Variants in TTC6 observed in about 807,000 individuals in gnomAD.
The protein encoded by TTC6 is tetratricopeptide repeat protein 6.
A neutral mutation model predicts 210.4 loss-of-function variants in TTC6; 172 were observed. That is an observed-to-expected ratio of 0.82 (90% CI 0.72 to 0.93). The LOEUF (loss-of-function observed/expected upper bound fraction) is 0.93, where lower values mean the gene tolerates loss of function less well. TTC6 is among the 40% of genes least tolerant of loss of function. The pLI is 0.00. For missense variants in TTC6, 2,414 were observed against 2,318.1 expected (o/e 1.04, Z -0.85); for synonymous variants, 804 against 819.6 (o/e 0.98, Z 0.32).
rs1566977609 is a variant in TTC6, at chr14:37,827,182, ATAT to A, written c.5128-10_5128-8del. ...TATTCCCCAATGTTAAATAATCATA[ATAT>A]TATACTGCAGATCAGTACTACAGCA... On this transcript the variant is annotated splice_polypyrimidine_tract_variant and intron_variant, in intron 28 of 30. Transcript: ENST00000553443. 1 of 1,600,928 alleles carries A rather than the reference ATAT, an allele frequency of 6.2e-7. No homozygotes were observed.
At chr14:37,624,126 G>T (rs2095656157) in intron 1 of TTC6, among the ~76,000 whole-genome samples, 2 of 152,132 alleles carry the variant, frequency 1.3e-5, no homozygotes, top group Non-Finnish European at 2.9e-5. Context: ...GACCATAAAG[G>T]GAAGCAAAAA....
chr14:37,684,615 T>G (rs2095790426), intron 3 of TTC6, among the ~76,000 whole-genome samples: 1 of 152,206 alleles, frequency 6.6e-6, no homozygotes, highest in Non-Finnish European at 1.5e-5. Context: ...TGTGGGATAT[T>G]GTGGGACCCT....
chr14:37,749,412 T>A lies in TTC6; in HGVS notation c.2826+11T>A. Reference sequence around the variant, plus strand: ...AATGATCTGCAGAGAGTAAGTTTTCTTTAACCAAAATAGTAATATTCACCA... The same window carrying A: ...AATGATCTGCAGAGAGTAAGTTTTCATTAACCAAAATAGTAATATTCACCA... On this transcript the variant is annotated intron_variant, in intron 11 of 30. Coordinates refer to ENST00000553443, the Ensembl canonical transcript of TTC6. 7.1e-7 allele frequency: 1 copy of A among 1,400,636 alleles called. No individual in the cohort carries two copies. Among genetic ancestry groups the A allele is most frequent in the South Asian group, 1.8e-5 (1 of 56,782 alleles). The allele number at this position is 1,400,636 out of a possible 1,614,324, so 86.8% of individuals were successfully genotyped here. A position where few individuals can be genotyped will look rare whatever the true frequency, so the allele number is the denominator to read the frequency against.
intron 1 of TTC6, among the ~76,000 whole-genome samples, chr14:37,679,416 G>A (rs1407290019): frequency 6.6e-6 from 1 of 152,124 alleles, no homozygotes; most frequent in East Asian, 1.9e-4. Flanking sequence ...ACTGAGTAGA[G>A]AGTATATCAT....
chr14:37,656,079 TG>T (rs2095722286), intron 1 of TTC6, among the ~76,000 whole-genome samples: 5 of 152,180 alleles, frequency 3.3e-5, no homozygotes, highest in Admixed American at 2.6e-4. Context: ...AGGATTTTTT[TG>T]GAAACAAACA....
At chr14:37,615,657 A>G (rs886957367) in intron 2 of TTC6, among the ~76,000 whole-genome samples, 1 of 151,842 alleles carries the variant, frequency 6.6e-6, no homozygotes, top group Non-Finnish European at 1.5e-5. Flanking sequence ...TCTCTAGCAT[A>G]TTTTCCTTTA....
intron 1 of TTC6, among the ~76,000 whole-genome samples, chr14:37,673,639 A>G (rs920985808): frequency 6.6e-6 from 1 of 152,096 alleles, no homozygotes; most frequent in African/African-American, 2.4e-5. Flanking sequence ...GTTGCTGTCC[A>G]TCTGCTTCAA....
exon 1 of TTC6, chr14:37,622,774 G>T (rs1222241328): frequency 7.8e-6 from 12 of 1,534,816 alleles, no homozygotes; most frequent in Admixed American, 2.0e-5. Context: ...AGCGGGGCCC[G>T]CGAGGCGCGG....
intron 16 of TTC6, 65 bp downstream of exon 18, chr14:37,790,902 G>T: frequency 7.2e-7 from 1 of 1,396,708 alleles, no homozygotes. Flanking sequence ...TGAAATGGGA[G>T]AAAAAGTTTC....
chr14:37,837,494 C>A, intron 29 of TTC6: 1 of 438,162 alleles, frequency 2.3e-6, no homozygotes. Context: ...ACATCTTGAA[C>A]TAATTACCTA....
chr14:37,813,562 C>A (rs1230755277), intron 25 of TTC6, among the ~76,000 whole-genome samples: 1 of 152,174 alleles, frequency 6.6e-6, no homozygotes, highest in Non-Finnish European at 1.5e-5. Context: ...GGGTCCTCAA[C>A]AATGCTGCCG....
intron 8 of TTC6, among the ~76,000 whole-genome samples, chr14:37,736,806 G>A (rs1439311176): frequency 6.6e-6 from 1 of 152,160 alleles, no homozygotes; most frequent in Non-Finnish European, 1.5e-5. Context: ...CCAGGCTGGA[G>A]TACAGTGGTA....
At chr14:37,723,256 C>G (rs1209283688) in intron 6 of TTC6, among the ~76,000 whole-genome samples, 1 of 151,962 alleles carries the variant, frequency 6.6e-6, no homozygotes, top group Non-Finnish European at 1.5e-5. Flanking sequence ...AACAAGGAGC[C>G]CTGGGTCTCT....
chr14:37,667,114 A>G (rs1461354678), intron 1 of TTC6, among the ~76,000 whole-genome samples: 1 of 150,350 alleles, frequency 6.7e-6, no homozygotes, highest in Non-Finnish European at 1.5e-5. Context: ...TAATTTAAAA[A>G]TAAAACATTT....
intron 1 of TTC6, among the ~76,000 whole-genome samples, chr14:37,629,093 T>G (rs546441682): frequency 6.6e-6 from 1 of 152,332 alleles, no homozygotes; most frequent in South Asian, 2.1e-4. Context: ...ATACGGGCTC[T>G]TTTTTGGTTC....
intron 1 of TTC6, among the ~76,000 whole-genome samples, chr14:37,663,232 T>A (rs140815851): frequency 6.6e-6 from 1 of 152,286 alleles, no homozygotes; most frequent in East Asian, 1.9e-4. Context: ...ACATTCCTGG[T>A]GAATTTTGTG....
At chr14:37,625,547 TAAAA>T (rs34756083) in intron 1 of TTC6, among the ~76,000 whole-genome samples, 5 of 136,412 alleles carry the variant, frequency 3.7e-5, no homozygotes, top group East Asian at 4.3e-4. Flanking sequence ...AGACTTCGTC[TAAAA>T]AAAAAAAAAA....
At chr14:37,739,883 G>A (rs1214597298) in intron 10 of TTC6, among the ~76,000 whole-genome samples, 1 of 151,918 alleles carries the variant, frequency 6.6e-6, no homozygotes, top group Non-Finnish European at 1.5e-5. Flanking sequence ...ATAATTTTGG[G>A]CCCGGTGCAG....
At chr14:37,622,334 G>C (rs1337579805) in exon 1 of TTC6, 1 of 1,532,878 alleles carries the variant, frequency 6.5e-7, no homozygotes, top group East Asian at 2.5e-5. Context: ...CCGCCCTCCT[G>C]CAGGAGGTGC....
Sources: allele counts gnomAD v4.1 joint callset (sites outside exome capture counted in the v4.1 genomes callset), GRCh38; gene constraint gnomAD v4.1.1; transcripts MANE v1.5; gene names NCBI Gene and HGNC (gene_info 2026-07-23, HGNC 2026-07-21).